Variants in DAB1 observed in about 807,000 individuals in gnomAD.
DAB1 encodes disabled homolog 1.
DAB1 carries 15 observed loss-of-function variants against 64.6 expected under a neutral mutation model. The ratio of observed to expected loss-of-function variants is 0.23; its 90% CI spans 0.16 to 0.36. DAB1 has a LOEUF of 0.36. DAB1 is among the 10% of genes least tolerant of loss of function. The probability of loss-of-function intolerance (pLI) is 1.00; values close to 1 mark genes in which losing one functional copy is unlikely to be tolerated. For missense variants in DAB1, 596 were observed against 706.7 expected (o/e 0.84, Z 1.78); for synonymous variants, 235 against 251.9 (o/e 0.93, Z 0.64).
chr1:57,984,240 G>GAAAGAAAGAAAGAAAGAAAGAAAGAA (rs1646148696), intron 5 of DAB1, among the ~76,000 whole-genome samples: 10 of 143,648 alleles, frequency 7.0e-5, no homozygotes, highest in African/African-American at 2.6e-4. Flanking sequence ...AAGAAAGAAA[G>GAAAGAAAGAAAGAAAGAAAGAAAGAA]AAAGAAAGAA....
At chr1:57,480,491 C>CTTT (rs150899061) in intron 7 of DAB1, among the ~76,000 whole-genome samples, 1 of 146,880 alleles carries the variant, frequency 6.8e-6, no homozygotes, top group East Asian at 2.0e-4. Context: ...GTGTAATTTT[C>CTTT]TTTTTTTTTT....
At chr1:57,240,618 T>C (rs1259341839) in intron 2 of DAB1, among the ~76,000 whole-genome samples, 2 of 152,190 alleles carry the variant, frequency 1.3e-5, no homozygotes, top group African/African-American at 4.8e-5. Flanking sequence ...TCTGATTGTA[T>C]GCCCAATATT....
intron 7 of DAB1, among the ~76,000 whole-genome samples, chr1:57,448,779 C>T (rs2101148913): frequency 6.6e-6 from 1 of 151,914 alleles, no homozygotes; most frequent in Non-Finnish European, 1.5e-5. Flanking sequence ...GACACACACA[C>T]ACACACACAC....
At chr1:57,318,731 CAAAA>C (rs10522783) in intron 1 of DAB1, among the ~76,000 whole-genome samples, 2,223 of 116,968 alleles carry the variant, frequency 0.019, 46 homozygotes, top group African/African-American at 0.054. Flanking sequence ...CGGTAATTTG[CAAAA>C]AAAAAAAAAA....
At chr1:57,864,307 T>A (rs1654196983) in intron 1 of DAB1, 1 of 152,198 alleles carries the variant, frequency 6.6e-6, no homozygotes, top group Non-Finnish European at 1.5e-5. Flanking sequence ...GTGATAACAA[T>A]AACATAACTT....
At chr1:57,297,112 G>T (rs1215637058) in intron 1 of DAB1, among the ~76,000 whole-genome samples, 1 of 152,008 alleles carries the variant, frequency 6.6e-6, no homozygotes, top group Non-Finnish European at 1.5e-5. Context: ...AATCAGATTA[G>T]GCATTTAAGA....
chr1:58,249,318 C>T (rs932480074), intron 4 of DAB1, among the ~76,000 whole-genome samples: 10 of 151,986 alleles, frequency 6.6e-5, no homozygotes, highest in African/African-American at 2.4e-4. Flanking sequence ...TCCCCCCGCC[C>T]CGCCCCACAC....
chr1:57,018,045 G>A (rs924117431), intron 11 of DAB1, among the ~76,000 whole-genome samples: 3 of 152,134 alleles, frequency 2.0e-5, no homozygotes, highest in Non-Finnish European at 4.4e-5. Context: ...CAATGCGTAC[G>A]ACAAAGCATT....
intron 9 of DAB1, among the ~76,000 whole-genome samples, chr1:57,049,816 T>C (rs892800537): frequency 6.6e-6 from 1 of 152,146 alleles, no homozygotes; most frequent in Non-Finnish European, 1.5e-5. Context: ...GCCAACACAC[T>C]TCCACTTTGA....
intron 3 of DAB1, among the ~76,000 whole-genome samples, chr1:58,453,070 AAAC>A (rs996124000): frequency 6.6e-6 from 1 of 152,250 alleles, no homozygotes; most frequent in Non-Finnish European, 1.5e-5. Context: ...TAGCAATTAA[AAAC>A]AACAACAAAC....
chr1:57,674,836 T>C (rs149430625), intron 6 of DAB1, among the ~76,000 whole-genome samples: 1 of 152,342 alleles, frequency 6.6e-6, no homozygotes, highest in African/African-American at 2.4e-5. Flanking sequence ...AGCATTCAGA[T>C]TATTCAAAGT....
In DAB1 at chr1:57,769,188, C is replaced by T. The variant is rs72914487; in HGVS notation, n.551+114811G>A. ...ACGAAATAACCTTATGTATGTGTGCCGTATCTTCTTTAATGGAAAAGGAAA... is the reference window on the plus strand; with the variant it reads ...ACGAAATAACCTTATGTATGTGTGCTGTATCTTCTTTAATGGAAAAGGAAA... On this transcript the variant is annotated intron_variant and non_coding_transcript_variant, in intron 6 of 20. Transcript: ENST00000485760. Among the ~76,000 whole-genome samples the T allele has an allele frequency of 8.8e-3, 1,343 of 152,130 alleles. 16 individuals carry two copies. Among genetic ancestry groups the T allele is most frequent in the African/African-American group, 0.031 (1,275 of 41,498 alleles).
upstream of DAB1, among the ~76,000 whole-genome samples, chr1:57,886,771 T>G (rs1644229769): frequency 6.6e-6 from 1 of 152,156 alleles, no homozygotes; most frequent in African/African-American, 2.4e-5. Flanking sequence ...TGAGTTCTAG[T>G]CTTGGTCCTG....
intron 3 of DAB1, among the ~76,000 whole-genome samples, chr1:58,436,890 C>T (rs1158660187): frequency 2.0e-5 from 3 of 152,202 alleles, no homozygotes; most frequent in Non-Finnish European, 4.4e-5. Context: ...CTTTGAACCA[C>T]TTCTTCTCCT....
intron 5 of DAB1, chr1:58,048,256 T>A: frequency 7.7e-7 from 1 of 1,292,916 alleles, no homozygotes. Context: ...TGGCAAAGTA[T>A]TGGCCTCCAC....
intron 5 of DAB1, among the ~76,000 whole-genome samples, chr1:58,076,504 G>A (rs1365322408): frequency 6.6e-6 from 1 of 152,160 alleles, no homozygotes; most frequent in Non-Finnish European, 1.5e-5. Flanking sequence ...TAAAAGAAAG[G>A]AGCCAGCATG....
intron 5 of DAB1, among the ~76,000 whole-genome samples, chr1:58,111,656 T>C (rs1344120860): frequency 6.6e-6 from 1 of 152,222 alleles, no homozygotes; most frequent in Non-Finnish European, 1.5e-5. Context: ...GTAAGTCCTG[T>C]TCTCATATCA....
chr1:57,832,782 A>G (rs1019451424), intron 1 of DAB1, among the ~76,000 whole-genome samples: 1 of 152,168 alleles, frequency 6.6e-6, no homozygotes, highest in Non-Finnish European at 1.5e-5. Context: ...TGGTTATTCA[A>G]AGGACTGAAG....
At chr1:58,274,353 G>T (rs2100431482) in intron 4 of DAB1, among the ~76,000 whole-genome samples, 1 of 133,514 alleles carries the variant, frequency 7.5e-6, no homozygotes, top group African/African-American at 2.8e-5. Context: ...TGAGGAGGCA[G>T]TCTGCCGGTT....
Sources: gnomAD v4.1 joint callset for allele counts (sites outside exome capture counted in the v4.1 genomes callset) on GRCh38, gnomAD v4.1.1 for gene constraint, MANE v1.5 for transcripts, NCBI Gene and HGNC (gene_info 2026-07-23, HGNC 2026-07-21) for gene names.